The following CTNNA2 variants were observed in gnomAD, a reference collection of about 807,000 sequenced individuals.
CTNNA2 encodes the protein catenin alpha-2.
CTNNA2 carries 42 observed loss-of-function variants against 101.0 expected under a neutral mutation model. The ratio of observed to expected loss-of-function variants is 0.42; its 90% CI spans 0.32 to 0.54. The LOEUF (loss-of-function observed/expected upper bound fraction) is 0.54. Ranked by LOEUF, CTNNA2 falls within the 20% of genes least tolerant of loss-of-function variation. The pLI is 0.14. For missense variants in CTNNA2, 871 were observed against 1,223.1 expected, an observed-to-expected ratio of 0.71 and a Z score of 4.29; for synonymous variants, 450 against 456.4, an observed-to-expected ratio of 0.99 and a Z score of 0.18.
chr2:80,113,221 G>C (rs1160843901), intron 7 of CTNNA2, among the ~76,000 whole-genome samples: 1 of 152,180 alleles, frequency 6.6e-6, no homozygotes, highest in Non-Finnish European at 1.5e-5. Flanking sequence ...CATATAATTT[G>C]ATACTGTGAA....
At chr2:80,497,400 A>AAG (rs1465205165) in intron 9 of CTNNA2, among the ~76,000 whole-genome samples, 2 of 152,222 alleles carry the variant, frequency 1.3e-5, no homozygotes, top group African/African-American at 4.8e-5. Context: ...AGAATTCTCA[A>AAG]AGAGAATAGG....
chr2:80,567,615 TTACCTG>T lies in CTNNA2; in HGVS notation c.1742-6545_1742-6540del, dbSNP rs1253764815. Among the ~76,000 whole-genome samples, 105 of 152,136 alleles carry T rather than the reference TTACCTG, an allele frequency of 6.9e-4. 2 individuals are homozygous for T. Among genetic ancestry groups the T allele is most frequent in the African/African-American group, 2.5e-3 (102 of 41,428 alleles). ...GGAACCATTTTTGGGAAAGAATACTTTACCTGTAGAAATAACATCAAACATCACTTA... is the reference window on the plus strand; with the variant it reads ...GGAACCATTTTTGGGAAAGAATACTTTAGAAATAACATCAAACATCACTTA... On this transcript the variant is annotated intron_variant, in intron 12 of 18. Transcript: ENST00000402739.
rs573123067 is a variant in CTNNA2, at chr2:80,415,927, T to G, written c.1138-3522T>G. On this transcript the variant is annotated intron_variant, in intron 8 of 18. Coordinates refer to ENST00000402739, the MANE Select transcript of CTNNA2 (RefSeq NM_001282597.3). ...TTGGAGGGCACTGTGCTTAGTGAAA[T>G]AAGCCAGACAGAGAAAGACAAATAC... is the stretch of plus-strand genomic sequence containing the variant. 3.3e-5 allele frequency among the ~76,000 whole-genome samples: 5 copies of G among 152,212 alleles called. No homozygotes were observed. The East Asian group carries it at 9.7e-4, about 29-fold the overall frequency.
intron 7 of CTNNA2, among the ~76,000 whole-genome samples, chr2:80,090,677 G>A (rs762041211): frequency 1.3e-5 from 2 of 151,996 alleles, no homozygotes; most frequent in Non-Finnish European, 2.9e-5. Flanking sequence ...ATTAGAAAAG[G>A]TGGAAGCCTT....
At chr2:79,473,326 A>T (rs921036543) in intron 4 of CTNNA2, among the ~76,000 whole-genome samples, 3 of 152,128 alleles carry the variant, frequency 2.0e-5, no homozygotes, top group Admixed American at 2.0e-4. Context: ...TTGAAAAATT[A>T]AAAAAAGACA....
intron 4 of CTNNA2, among the ~76,000 whole-genome samples, chr2:79,478,038 A>C (rs1344079455): frequency 6.6e-6 from 1 of 152,218 alleles, no homozygotes; most frequent in African/African-American, 2.4e-5. Context: ...TATTAGTAAA[A>C]CTTCCAAATT....
At chr2:80,213,085 C>T (rs192565197) in intron 7 of CTNNA2, among the ~76,000 whole-genome samples, 8 of 152,044 alleles carry the variant, frequency 5.3e-5, no homozygotes, top group African/African-American at 1.9e-4. Context: ...TTTATTGTGT[C>T]TATTTGATTC....
chr2:79,263,940 T>C (rs1329400195), intron 2 of CTNNA2, among the ~76,000 whole-genome samples: 1 of 152,222 alleles, frequency 6.6e-6, no homozygotes, highest in African/African-American at 2.4e-5. Context: ...ATCTATACTT[T>C]TCAAAATCAG....
At chr2:80,048,572 G>T (rs1196083858) in intron 7 of CTNNA2, among the ~76,000 whole-genome samples, 1 of 152,174 alleles carries the variant, frequency 6.6e-6, no homozygotes, top group Non-Finnish European at 1.5e-5. Flanking sequence ...AGTGACTCTT[G>T]TATAGCAAAT....
At chr2:80,313,403 G>C in intron 7 of CTNNA2, 1 of 1,410,992 alleles carries the variant, frequency 7.1e-7, no homozygotes, top group Middle Eastern at 2.1e-4. Context: ...ATAAAATGTG[G>C]TGCCTACCCT....
At chr2:79,262,703 A>G (rs1411018418) in intron 2 of CTNNA2, among the ~76,000 whole-genome samples, 2 of 152,172 alleles carry the variant, frequency 1.3e-5, no homozygotes, top group African/African-American at 4.8e-5. Context: ...GGGACCAGGC[A>G]ATCTGGGTTT....
Position 80,125,622 on chromosome 2 carries a change from G to A in CTNNA2, c.1056+215825G>A, listed in dbSNP as rs371397038. Among the ~76,000 whole-genome samples, 7 of 152,282 alleles carry A rather than the reference G, an allele frequency of 4.6e-5. No individual in the cohort carries two copies. The South Asian group carries it at 1.2e-3, about 27-fold the overall frequency. The stretch of plus-strand genomic sequence containing the variant: ...CAGCCTCCTCCTACTGGTCCCAGGT[G>A]GCAAGAGAATGGTTCTCATCAGACT... On this transcript the variant is annotated intron_variant, in intron 7 of 18. Coordinates refer to ENST00000402739, the MANE Select transcript of CTNNA2 (RefSeq NM_001282597.3).
chr2:79,545,835 T>C (rs1191272882), intron 1 of CTNNA2, among the ~76,000 whole-genome samples: 1 of 152,226 alleles, frequency 6.6e-6, no homozygotes, highest in African/African-American at 2.4e-5. Context: ...GGAGCAATAC[T>C]TATAATATGA....
intron 15 of CTNNA2, among the ~76,000 whole-genome samples, chr2:80,590,573 T>C (rs943491937): frequency 1.3e-5 from 2 of 152,184 alleles, no homozygotes; most frequent in Non-Finnish European, 2.9e-5. Context: ...GGTTGTTGAA[T>C]GCTTCTAATG....
chr2:79,504,798 T>C (rs1459068852), intron 4 of CTNNA2, among the ~76,000 whole-genome samples: 1 of 152,158 alleles, frequency 6.6e-6, no homozygotes, highest in Non-Finnish European at 1.5e-5. Context: ...TTAAGTACAG[T>C]GAAAAGGGTG....
chr2:80,158,415 T>C (rs1704111312), intron 7 of CTNNA2, among the ~76,000 whole-genome samples: 1 of 152,230 alleles, frequency 6.6e-6, no homozygotes, highest in Non-Finnish European at 1.5e-5. Context: ...CGCACAATGG[T>C]ATCATCTTGT....
chr2:79,432,586 A>T lies in CTNNA2; in HGVS notation c.-135+58573A>T, dbSNP rs374324179. Among the ~76,000 whole-genome samples, 4 of 152,198 alleles carry T rather than the reference A, an allele frequency of 2.6e-5. No individual in the cohort carries two copies. In the East Asian group the frequency reaches 7.7e-4, roughly 29 times the overall value. Reference sequence around the variant, plus strand: ...AAAGTACTGCATCCTCACCAAAGGGAGGAAGTTGGAAGTGCTGATCAGTGA... The same window carrying T: ...AAAGTACTGCATCCTCACCAAAGGGTGGAAGTTGGAAGTGCTGATCAGTGA... On this transcript the variant is annotated intron_variant, in intron 4 of 21. Coordinates refer to the CTNNA2 transcript ENST00000466387.
intron 7 of CTNNA2, among the ~76,000 whole-genome samples, chr2:80,245,648 A>G (rs1343056046): frequency 6.6e-6 from 1 of 151,882 alleles, no homozygotes; most frequent in Non-Finnish European, 1.5e-5. Context: ...GAAACCATCA[A>G]AGCCTATAGG....
chr2:79,532,574 A>C (rs1436593323), intron 1 of CTNNA2, among the ~76,000 whole-genome samples: 1 of 152,126 alleles, frequency 6.6e-6, no homozygotes, highest in Non-Finnish European at 1.5e-5. Context: ...GCTATTATTG[A>C]CAAATGAACT....
Sources: allele counts gnomAD v4.1 joint callset (sites outside exome capture counted in the v4.1 genomes callset), GRCh38; gene constraint gnomAD v4.1.1; transcripts MANE v1.5; gene names NCBI Gene and HGNC (gene_info 2026-07-23, HGNC 2026-07-21).